Variants in DNAJB13 observed in about 807,000 individuals in gnomAD.
DNAJB13 encodes DnaJ heat shock protein family (Hsp40) member B13, also known as dnaJ homolog subfamily B member 13.
DNAJB13 carries 22 observed loss-of-function variants against 35.6 expected under a neutral mutation model. That is an observed-to-expected ratio of 0.62 (90% CI 0.44 to 0.88). DNAJB13 has a LOEUF of 0.88. Among genes scored for constraint, DNAJB13 ranks in the 40% least tolerant of loss-of-function variants. The probability of loss-of-function intolerance (pLI) is 0.00; values close to 1 mark genes in which losing one functional copy is unlikely to be tolerated. For missense variants in DNAJB13, 370 were observed against 384.3 expected, an observed-to-expected ratio of 0.96 and a Z score of 0.31; for synonymous variants, 136 against 144.2, an observed-to-expected ratio of 0.94 and a Z score of 0.41.
At chr11:73,962,135 C>T (rs1950948363) in intron 3 of DNAJB13, among the ~76,000 whole-genome samples, 1 of 152,146 alleles carries the variant, frequency 6.6e-6, no homozygotes, top group Non-Finnish European at 1.5e-5. Context: ...TGGGTAGTTT[C>T]TTCCCAGTCT....
Position 73,970,088 on chromosome 11 carries a change from A to G in DNAJB13, c.925A>G (p.Met309Val). The change falls in exon 8 of 8, where the codon ATG becomes GTG. Residue 309 changes from methionine (M) to valine (V), a missense_variant. Met to Val is a conservative substitution (Grantham distance 21, BLOSUM62 1). Transcript: ENST00000339764. ...CCGCCTCACACCCCAGAAGAAGCAG[A>G]TGCTGCGCCAGGCATTGCTGACATG... ...PTRLTPQKKQ[M>V]LRQALLT 6.2e-7 allele frequency: 1 copy of G among 1,608,900 alleles called. No individual in the cohort carries two copies. Among genetic ancestry groups the G allele is most frequent in the Non-Finnish European group, 8.5e-7 (1 of 1,177,432 alleles).
chr11:73,966,904 A>G (rs1951132406), intron 5 of DNAJB13, among the ~76,000 whole-genome samples: 1 of 146,602 alleles, frequency 6.8e-6, no homozygotes, highest in Admixed American at 6.9e-5. Flanking sequence ...CCAGGCTGGA[A>G]GGCAGTGGTG....
At chr11:73,958,498 G>A (rs1263473298) in intron 2 of DNAJB13, 78 bp downstream of exon 2, 26 of 1,332,188 alleles carry the variant, frequency 2.0e-5, no homozygotes, top group Non-Finnish European at 6.4e-6. Context: ...TTTTCTGAGG[G>A]GGCCCAATAA....
intron 5 of DNAJB13, among the ~76,000 whole-genome samples, chr11:73,967,228 C>G (rs1265694068): frequency 1.3e-5 from 2 of 152,200 alleles, no homozygotes; most frequent in Non-Finnish European, 1.5e-5. Flanking sequence ...ATCCTGACCT[C>G]AGGTGATACG....
At chr11:73,954,586 C>T (rs545932004) in intron 1 of DNAJB13, among the ~76,000 whole-genome samples, 56 of 140,014 alleles carry the variant, frequency 4.0e-4, no homozygotes, top group East Asian at 1.3e-3. Context: ...GCCGAGATCG[C>T]GCCACTGCAC....
chr11:73,966,822 G>A (rs923855457), intron 5 of DNAJB13, among the ~76,000 whole-genome samples: 11 of 150,150 alleles, frequency 7.3e-5, no homozygotes. Flanking sequence ...GGGACTACAG[G>A]CATGTGCCAC....
Position 73,969,981 on chromosome 11 carries a change from T to TGCC in DNAJB13, c.819_821dup (p.Pro274dup). The TGCC allele has an allele frequency of 6.2e-7, 1 of 1,610,812 alleles. No individual in the cohort carries two copies. Among genetic ancestry groups the TGCC allele is most frequent in the South Asian group, 1.1e-5 (1 of 90,158 alleles). The stretch of plus-strand genomic sequence containing the variant: ...TTCAGCCCCAAATACTTCAAGAAGG[T>TGCC]GCCAGGGGAGGGGATGCCATTGCCG... On this transcript the variant is annotated inframe_insertion, in exon 8 of 8. Coordinates refer to ENST00000339764, the MANE Select transcript of DNAJB13 (RefSeq NM_153614.4).
At chr11:73,956,504 C>T (rs1354901016) in intron 1 of DNAJB13, among the ~76,000 whole-genome samples, 2 of 152,020 alleles carry the variant, frequency 1.3e-5, no homozygotes. Flanking sequence ...GGGACCTGGT[C>T]AGAAAGTATT....
rs562854405 is a variant in DNAJB13 at position 73,970,236 on chromosome 11, C to T, written c.*122C>T. 1.5e-4 allele frequency: 189 copies of T among 1,283,300 alleles called. 1 individual carries two copies. The Middle Eastern group carries it at 1.8e-3, about 12-fold the overall frequency. The allele number at this position is 1,283,300 out of a possible 1,614,324, so 79.5% of individuals were successfully genotyped here. On this transcript the variant is annotated 3_prime_UTR_variant, in exon 8 of 8. Coordinates refer to ENST00000339764, the MANE Select transcript of DNAJB13 (RefSeq NM_153614.4). ...CAGATATGATACAAGGGTGGGATGG[C>T]GCAGGGCTTAAACTGACATAATAAA...
chr11:73,964,792 T>TCA lies in DNAJB13; in HGVS notation c.335-86_335-85insCA, dbSNP rs1565175434. ...GTGTGTGTGTGTGTGTGTGTGTGTGTGTGTGTGTGTGTGTGTGTGTGCGCG... is the reference window on the plus strand; with the variant it reads ...GTGTGTGTGTGTGTGTGTGTGTGTGTCAGTGTGTGTGTGTGTGTGTGTGCGCG... On this transcript the variant is annotated intron_variant, in intron 3 of 7. Transcript: ENST00000339764. 1.2e-4 allele frequency: 111 copies of TCA among 917,070 alleles called. 3 individuals carry two copies. Among genetic ancestry groups the TCA allele is most frequent in the Non-Finnish European group, 1.8e-4 (107 of 600,206 alleles). 56.8% of individuals were successfully genotyped at this position (917,070 alleles called of 1,614,324 possible).
chr11:73,968,539 C>A, intron 6 of DNAJB13, 81 bp downstream of exon 6: 1 of 1,096,584 alleles, frequency 9.1e-7, no homozygotes, highest in Non-Finnish European at 1.3e-6. Flanking sequence ...GGCCTCCCCT[C>A]CCACAACCAC....
At chr11:73,963,340 T>C (rs1051528508) in intron 3 of DNAJB13, among the ~76,000 whole-genome samples, 1 of 146,942 alleles carries the variant, frequency 6.8e-6, no homozygotes, top group African/African-American at 2.5e-5. Context: ...ATTGAGACTC[T>C]GTCTCAAAAA....
chr11:73,961,003 G>A (rs755342006), intron 3 of DNAJB13, among the ~76,000 whole-genome samples: 1 of 152,148 alleles, frequency 6.6e-6, no homozygotes, highest in Non-Finnish European at 1.5e-5. Flanking sequence ...AAAAATCACC[G>A]AGGCCAGGTG....
chr11:73,957,518 C>T (rs1950784889), intron 1 of DNAJB13, among the ~76,000 whole-genome samples: 1 of 152,220 alleles, frequency 6.6e-6, no homozygotes, highest in South Asian at 2.1e-4. Flanking sequence ...GATGTCTGCC[C>T]TTCAGAAACA....
intron 2 of DNAJB13, among the ~76,000 whole-genome samples, chr11:73,959,052 C>T (rs562970929): frequency 6.6e-6 from 1 of 151,418 alleles, no homozygotes; most frequent in African/African-American, 2.5e-5. Flanking sequence ...GTTTTCAGGA[C>T]TTCAGGGTCC....
In DNAJB13 at chr11:73,970,221, A is replaced by T; in HGVS notation, c.*107A>T. On this transcript the variant is annotated 3_prime_UTR_variant, in exon 8 of 8. Coordinates refer to ENST00000339764, the MANE Select transcript of DNAJB13 (RefSeq NM_153614.4). ...GGGGAGCCTGCTGCACAGATATGATACAAGGGTGGGATGGCGCAGGGCTTA... is the reference window on the plus strand; with the variant it reads ...GGGGAGCCTGCTGCACAGATATGATTCAAGGGTGGGATGGCGCAGGGCTTA... 1 of 1,404,856 alleles carries T rather than the reference A, an allele frequency of 7.1e-7. No individual in the cohort carries two copies. Among genetic ancestry groups the T allele is most frequent in the Non-Finnish European group, 9.5e-7 (1 of 1,056,458 alleles). 87.0% of individuals were successfully genotyped at this position (1,404,856 alleles called of 1,614,324 possible).
At position 73,968,370 on chromosome 11, in the gene DNAJB13, T is replaced by G; in HGVS notation, c.632T>G (p.Ile211Ser). The change falls in exon 6 of 8, where the codon ATC (isoleucine) becomes AGC (serine). Residue 211 changes from isoleucine to serine, a missense_variant. Transcript: ENST00000339764. ...GGCCCCAACATCATCCCAGCAGACA[T>G]CATTTTCATCGTAAAGGAGAAGCTA... ...DQGPNIIPAD[I>S]IFIVKEKLHP... 2.5e-6 allele frequency: 4 copies of G among 1,614,102 alleles called. No individual in the cohort carries two copies. The highest frequency in any genetic ancestry group is 3.4e-6 in the Non-Finnish European group (4 of 1,179,992).
chr11:73,965,846 C>T, intron 4 of DNAJB13: 1 of 384,102 alleles, frequency 2.6e-6, no homozygotes, highest in Non-Finnish European at 4.9e-6. Context: ...CTAATGGTGA[C>T]TGCTTGGCAT....
intron 3 of DNAJB13, chr11:73,964,496 G>A (rs924762368): frequency 7.8e-6 from 2 of 257,518 alleles, no homozygotes; most frequent in Non-Finnish European, 1.5e-5. Flanking sequence ...ACTCCTGAGC[G>A]CGGCCACCAG....
Sources: allele counts gnomAD v4.1 joint callset (sites outside exome capture counted in the v4.1 genomes callset), GRCh38; gene constraint gnomAD v4.1.1; transcripts MANE v1.5; gene names NCBI Gene and HGNC (gene_info 2026-07-23, HGNC 2026-07-21).